SPICE1: variants seen among roughly 807,000 people sequenced by gnomAD.
SPICE1 encodes the protein spindle and centriole associated protein 1.
A neutral mutation model predicts 102.7 loss-of-function variants in SPICE1; 75 were observed. The ratio of observed to expected loss-of-function variants is 0.73; its 90% CI spans 0.61 to 0.88. The LOEUF is 0.88. SPICE1 is among the 40% of genes least tolerant of loss of function. The pLI, the probability that SPICE1 is intolerant of heterozygous loss-of-function variation, is 0.00. For missense variants in SPICE1, 979 were observed against 1,020.1 expected (o/e 0.96, Z 0.55); for synonymous variants, 308 against 350.3 (o/e 0.88, Z 1.35).
At chr3:113,468,091 C>T in intron 10 of SPICE1, 48 bp downstream of exon 10, 2 of 1,560,082 alleles carry the variant, frequency 1.3e-6, no homozygotes, top group Non-Finnish European at 8.7e-7. Context: ...AAAAAAAACT[C>T]ATGCATTTCT....
At chr3:113,494,978 T>C (rs1196280934) in intron 4 of SPICE1, among the ~76,000 whole-genome samples, 3 of 152,206 alleles carry the variant, frequency 2.0e-5, no homozygotes, top group African/African-American at 7.2e-5. Context: ...TGTCAAGTCA[T>C]GACCTACAAC....
chr3:113,480,895 C>T (rs1373642295), intron 7 of SPICE1, among the ~76,000 whole-genome samples: 4 of 21,146 alleles, frequency 1.9e-4, no homozygotes, highest in Non-Finnish European at 3.3e-4. Flanking sequence ...CTAAAAATAA[C>T]AATGATTTTA....
chr3:113,443,345 T>C lies in SPICE1; in HGVS notation c.*1962A>G, dbSNP rs2107433380. 6.6e-6 allele frequency: 1 copy of C among 152,388 alleles called. No individual in the cohort carries two copies. Among genetic ancestry groups the C allele is most frequent in the South Asian group, 2.1e-4 (1 of 4,826 alleles). 9.4% of individuals were successfully genotyped at this position (152,388 alleles called of 1,614,324 possible). On this transcript the variant is annotated 3_prime_UTR_variant, in exon 18 of 18. Transcript: ENST00000295872. ...ACTTGCATCCTTAGCTACTGTACTG[T>C]ATTAGTTCCCGTAAATTAGGAGAAA...
chr3:113,491,625 A>AG (rs1936769671), intron 6 of SPICE1, among the ~76,000 whole-genome samples: 1 of 102,896 alleles, frequency 9.7e-6, no homozygotes, highest in Non-Finnish European at 1.9e-5. Context: ...ACTCCGTCTC[A>AG]AAAAAAAAAA....
chr3:113,481,838 C>A (rs181708452), intron 7 of SPICE1, among the ~76,000 whole-genome samples: 43 of 152,156 alleles, frequency 2.8e-4, no homozygotes, highest in African/African-American at 1.0e-3. Flanking sequence ...TGGGTTGGTT[C>A]CAAGTCTCTG....
chr3:113,468,691 G>T, intron 9 of SPICE1, 71 bp downstream of exon 9: 1 of 1,495,748 alleles, frequency 6.7e-7, no homozygotes, highest in Non-Finnish European at 9.0e-7. Context: ...GAAAAACATT[G>T]ACTAAGAGAT....
In SPICE1 at chr3:113,459,391, A is replaced by G. The variant is rs941749057; in HGVS notation, c.1435+1226T>C. 9.3e-6 allele frequency: 8 copies of G among 856,346 alleles called. No individual in the cohort carries two copies. In the African/African-American group the frequency reaches 1.5e-4, roughly 16 times the overall value. The allele number at this position is 856,346 out of a possible 1,614,324, so 53.0% of individuals were successfully genotyped here. A position where few individuals can be genotyped will look rare whatever the true frequency, so the allele number is the denominator to read the frequency against. On this transcript the variant is annotated intron_variant, in intron 12 of 17. Transcript: ENST00000295872. ...CGACCCTGCCAAATCCCCCTCTCCG[A>G]GAAACACCCAAGAATGATCAATAAA... is the stretch of plus-strand genomic sequence containing the variant.
Position 113,473,949 on chromosome 3 carries a change from A to C in SPICE1, c.612-4711T>G, listed in dbSNP as rs1332621828. 2.0e-5 allele frequency among the ~76,000 whole-genome samples: 3 copies of C among 152,178 alleles called. No individual in the cohort carries two copies. In the East Asian group the frequency reaches 5.8e-4, roughly 29 times the overall value. ...TCACACTTAACAATATTAACTTTAAATGTAAACGGACTAAATGCTCCAATT... is the reference window on the plus strand; with the variant it reads ...TCACACTTAACAATATTAACTTTAACTGTAAACGGACTAAATGCTCCAATT... On this transcript the variant is annotated intron_variant, in intron 7 of 17. Coordinates refer to ENST00000295872, the MANE Select transcript of SPICE1 (RefSeq NM_144718.4).
intron 10 of SPICE1, 108 bp from the exon 11 acceptor site, chr3:113,465,892 T>A: frequency 9.7e-7 from 1 of 1,028,638 alleles, no homozygotes; most frequent in Admixed American, 2.8e-5. Context: ...GCATATATTA[T>A]GTGACAGTAA....
chr3:113,451,250 T>C (rs766017623), intron 14 of SPICE1, among the ~76,000 whole-genome samples: 17 of 152,136 alleles, frequency 1.1e-4, no homozygotes, highest in Non-Finnish European at 2.2e-4. Context: ...TAGTTGGTGA[T>C]TGGAAAGAAA....
Position 113,468,887 on chromosome 3 carries a change from G to A in SPICE1, c.764C>T (p.Ala255Val). 1 of 1,607,280 alleles carries A rather than the reference G, an allele frequency of 6.2e-7. No individual in the cohort carries two copies. Residue 255 changes from alanine (A) to valine (V), a missense_variant, in exon 9 of 18, where the codon GCT becomes GTT. Coordinates refer to ENST00000295872, the MANE Select transcript of SPICE1 (RefSeq NM_144718.4). ...TTGGAGTCTCTTGACAGCATTGGTA[G>A]CATTCAGAGCAGCTAAAAGGAAGAA... ...SSGEQRAALN[A>V]TNAVKRLQTR...
At chr3:113,467,386 G>C (rs1180024456) in intron 10 of SPICE1, among the ~76,000 whole-genome samples, 1 of 152,150 alleles carries the variant, frequency 6.6e-6, no homozygotes, top group East Asian at 1.9e-4. Context: ...CCAACTCCCT[G>C]GTGAAAGTAA....
chr3:113,473,950 T>C (rs1359004696), intron 7 of SPICE1, among the ~76,000 whole-genome samples: 1 of 151,984 alleles, frequency 6.6e-6, no homozygotes, highest in Non-Finnish European at 1.5e-5. Context: ...TAACTTTAAA[T>C]GTAAACGGAC....
At chr3:113,470,308 T>C in intron 7 of SPICE1, among the ~76,000 whole-genome samples, 1 of 152,212 alleles carries the variant, frequency 6.6e-6, no homozygotes, top group Admixed American at 6.5e-5. Flanking sequence ...AAGCATATTC[T>C]GGAGAGAAGG....
At chr3:113,458,348 G>GATTGCAGGC (rs1002326960) in intron 12 of SPICE1, among the ~76,000 whole-genome samples, 1 of 152,182 alleles carries the variant, frequency 6.6e-6, no homozygotes, top group Non-Finnish European at 1.5e-5. Flanking sequence ...AAGTGCCTGG[G>GATTGCAGGC]ATTGCAGGCA....
At chr3:113,505,948 T>C (rs896255888) in intron 2 of SPICE1, among the ~76,000 whole-genome samples, 1 of 152,148 alleles carries the variant, frequency 6.6e-6, no homozygotes. Context: ...CCAGGCAATA[T>C]TCAGGTTAGG....
chr3:113,450,646 G>C (rs1380840489), intron 14 of SPICE1, 130 bp from the exon 15 acceptor site: 16 of 875,440 alleles, frequency 1.8e-5, no homozygotes, highest in Non-Finnish European at 2.6e-5. Flanking sequence ...GCGCTATCTC[G>C]GCTCACTGCA....
At chr3:113,472,513 C>A (rs1008459948) in intron 7 of SPICE1, among the ~76,000 whole-genome samples, 10 of 152,248 alleles carry the variant, frequency 6.6e-5, no homozygotes, top group African/African-American at 2.2e-4. Flanking sequence ...GACCCCCGAG[C>A]AGCCTAACTA....
Position 113,493,315 on chromosome 3 carries a change from G to A in SPICE1, c.386-3C>T, listed in dbSNP as rs774789866. On this transcript the variant is annotated splice_polypyrimidine_tract_variant and splice_region_variant and intron_variant, in intron 5 of 17. Coordinates refer to ENST00000295872, the MANE Select transcript of SPICE1 (RefSeq NM_144718.4). ...AGCCACTGTTACATTTGGAAACCCT[G>A]CAAAAGGAAAAGAAGTTGTGATGAT... 1 of 1,611,154 alleles carries A rather than the reference G, an allele frequency of 6.2e-7. No individual in the cohort carries two copies. Among genetic ancestry groups the A allele is most frequent in the Non-Finnish European group, 8.5e-7 (1 of 1,177,454 alleles).
Sources: allele counts gnomAD v4.1 joint callset (sites outside exome capture counted in the v4.1 genomes callset), GRCh38; gene constraint gnomAD v4.1.1; transcripts MANE v1.5; gene names NCBI Gene and HGNC (gene_info 2026-07-23, HGNC 2026-07-21).